The following MOK variants were observed in gnomAD, a reference collection of about 807,000 sequenced individuals.
MOK encodes MOK protein kinase.
In MOK, 59 loss-of-function variants were observed where a neutral mutation model predicts 54.2. That is an observed-to-expected ratio of 1.09 (90% CI 0.88 to 1.35). MOK has a LOEUF of 1.35. MOK is among the 40% of genes most tolerant of loss of function. The pLI is 0.00. For missense variants in MOK, 517 were observed against 526.2 expected, an observed-to-expected ratio of 0.98 and a Z score of 0.17; for synonymous variants, 210 against 202.7, an observed-to-expected ratio of 1.04 and a Z score of -0.31.
chr14:102,224,036 GATT>G (rs1481176002), downstream of MOK, among the ~76,000 whole-genome samples: 30 of 139,510 alleles, frequency 2.2e-4, no homozygotes, highest in Non-Finnish European at 3.3e-4. Context: ...GTTTACCTGA[GATT>G]TTTTTTTTTT....
chr14:102,219,680 C>T (rs888724969), downstream of MOK, among the ~76,000 whole-genome samples: 3 of 152,240 alleles, frequency 2.0e-5, no homozygotes, highest in African/African-American at 4.8e-5. Context: ...CGGTGGCCAA[C>T]GTGCTTCCTG....
intron 2 of MOK, among the ~76,000 whole-genome samples, chr14:102,274,666 G>A (rs965042060): frequency 1.2e-4 from 18 of 151,614 alleles, no homozygotes; most frequent in African/African-American, 4.4e-4. Context: ...CCTACAGTAG[G>A]CAAAACTGTC....
downstream of MOK, among the ~76,000 whole-genome samples, chr14:102,220,714 C>T (rs1246282449): frequency 4.0e-4 from 34 of 85,276 alleles, no homozygotes; most frequent in African/African-American, 1.5e-3. This position sits in a 1 kb window ranked among gnomAD's most constrained non-coding sequence, Gnocchi z 4.2. Context: ...AGTGAGACTC[C>T]GTCTCAAAAA....
Position 102,231,672 on chromosome 14 carries a change from G to C in MOK, c.981+35C>G, listed in dbSNP as rs1318127850. ...CCCGAGGGCATCCAGTCCCGGCTGA[G>C]CTAGGCAGTCTCCGGCTCCGATTTC... is the stretch of plus-strand genomic sequence containing the variant. On this transcript the variant is annotated intron_variant, in intron 10 of 11. Coordinates refer to ENST00000361847, the MANE Select transcript of MOK (RefSeq NM_014226.3). This position sits in a 1 kb window ranked among gnomAD's most constrained non-coding sequence, Gnocchi z 4.4. 6.3e-7 allele frequency: 1 copy of C among 1,590,392 alleles called. No individual in the cohort carries two copies. Among genetic ancestry groups the C allele is most frequent in the African/African-American group, 1.3e-5 (1 of 74,438 alleles).
Position 102,229,271 on chromosome 14 carries a change from G to C in MOK, c.*18C>G. 6.4e-7 allele frequency: 1 copy of C among 1,571,854 alleles called. No individual in the cohort carries two copies. On this transcript the variant is annotated 3_prime_UTR_variant, in exon 12 of 12. Coordinates refer to ENST00000361847, the MANE Select transcript of MOK (RefSeq NM_014226.3). ...GGCTTGGTGTTGCCTCCGAAGTCGA[G>C]ACGACGGTGCTGCTCAGTTATCTTC...
intron 2 of MOK, among the ~76,000 whole-genome samples, chr14:102,274,750 G>A (rs374764587): frequency 6.6e-5 from 10 of 151,758 alleles, no homozygotes; most frequent in Middle Eastern, 3.4e-3. Flanking sequence ...CGAGGCAGGC[G>A]GATCACCTGA....
At chr14:102,300,317 C>G (rs570008423) in intron 1 of MOK, among the ~76,000 whole-genome samples, 25 of 119,560 alleles carry the variant, frequency 2.1e-4, no homozygotes, top group African/African-American at 7.8e-4. Context: ...GGGCAAAACT[C>G]TATCTCAAAA....
intron 2 of MOK, chr14:102,278,664 A>G: frequency 2.2e-6 from 1 of 455,184 alleles, no homozygotes; most frequent in South Asian, 1.6e-5. Flanking sequence ...CAGGTGGGGA[A>G]CTTGATCTCT....
chr14:102,270,298 C>A (rs1169342700), intron 2 of MOK, among the ~76,000 whole-genome samples: 1 of 152,122 alleles, frequency 6.6e-6, no homozygotes, highest in African/African-American at 2.4e-5. Flanking sequence ...GGGTTAAAAT[C>A]AATTATCTAA....
intron 4 of MOK, among the ~76,000 whole-genome samples, chr14:102,253,128 A>G (rs2066660788): frequency 6.6e-6 from 1 of 152,262 alleles, no homozygotes; most frequent in Non-Finnish European, 1.5e-5. Flanking sequence ...TAAAAAATTA[A>G]TAAACAATAA....
intron 1 of MOK, among the ~76,000 whole-genome samples, chr14:102,293,689 G>A (rs1303291715): frequency 1.6e-4 from 7 of 45,110 alleles, no homozygotes; most frequent in African/African-American, 5.5e-4. Flanking sequence ...CAACAAGAGC[G>A]AAACTCCATC....
intron 1 of MOK, among the ~76,000 whole-genome samples, chr14:102,294,975 A>C (rs2071276786): frequency 6.6e-6 from 1 of 152,214 alleles, no homozygotes; most frequent in South Asian, 2.1e-4. Context: ...GTATAAAACA[A>C]GGATAAGAGG....
At chr14:102,303,067 A>G (rs1190994351) in intron 1 of MOK, among the ~76,000 whole-genome samples, 1 of 151,892 alleles carries the variant, frequency 6.6e-6, no homozygotes, top group Non-Finnish European at 1.5e-5. Flanking sequence ...AGGCTGAGGT[A>G]GGAGAATCAC....
chr14:102,296,991 G>C (rs919120240), intron 1 of MOK, among the ~76,000 whole-genome samples: 1 of 152,094 alleles, frequency 6.6e-6, no homozygotes, highest in Non-Finnish European at 1.5e-5. Context: ...CCAGGAGGCA[G>C]AGGTTGCAGT....
intron 6 of MOK, chr14:102,251,460 C>A: frequency 2.1e-6 from 1 of 485,708 alleles, no homozygotes; most frequent in Admixed American, 2.6e-5. Context: ...TCAAATCCTG[C>A]CTCTGCCACA....
At chr14:102,214,726 T>A in the MOK span, 1 of 981,234 alleles carries the variant, frequency 1.0e-6, no homozygotes, top group Middle Eastern at 5.3e-4. Flanking sequence ...TTCATCCAAT[T>A]TCTTGACAAC....
the MOK span, among the ~76,000 whole-genome samples, chr14:102,215,762 C>T: frequency 1.3e-5 from 2 of 152,294 alleles, no homozygotes; most frequent in East Asian, 1.9e-4. Context: ...GGCCCGTCGT[C>T]GGTGCAGAGC....
At chr14:102,225,072 T>A, downstream of MOK, 1 of 325,410 alleles carries the variant, frequency 3.1e-6, no homozygotes, top group South Asian at 2.6e-5. Context: ...TAGAATTATT[T>A]TCTGTTTAAG....
chr14:102,222,102 CAGTG>C (rs777815306), downstream of MOK, among the ~76,000 whole-genome samples: 29 of 151,632 alleles, frequency 1.9e-4, 1 homozygote, highest in South Asian at 2.1e-3. The surrounding 1 kb of genome is among the most constrained non-coding windows in gnomAD (Gnocchi z 4.4). Context: ...CCGCCCCCGA[CAGTG>C]AGCCTCTCAG....
Sources: allele counts gnomAD v4.1 joint callset (sites outside exome capture counted in the v4.1 genomes callset), GRCh38; gene constraint gnomAD v4.1.1; non-coding constraint Gnocchi (gnomAD v3.1); transcripts MANE v1.5; gene names NCBI Gene and HGNC (gene_info 2026-07-23, HGNC 2026-07-21).